GRID2: variants seen among roughly 807,000 people sequenced by gnomAD.
The protein encoded by GRID2 is glutamate receptor ionotropic, delta-2.
Under a neutral mutation model 114.8 loss-of-function variants are expected in GRID2, and 33 were observed. The observed-to-expected ratio is 0.29, with a 90% confidence interval of 0.22 to 0.38. The LOEUF (loss-of-function observed/expected upper bound fraction) is 0.38, where lower values mean the gene tolerates loss of function less well. GRID2 is among the 10% of genes least tolerant of loss of function. GRID2 has a pLI of 1.00. For synonymous variants in GRID2, 505 were observed against 449.9 expected (o/e 1.12, Z -1.55); for missense variants, 1,184 against 1,257.7 (o/e 0.94, Z 0.89).
At chr4:93,790,057 C>CA in intron 1 of GRID2, among the ~76,000 whole-genome samples, 1 of 151,854 alleles carries the variant, frequency 6.6e-6, no homozygotes. Context: ...AGTTTCATCC[C>CA]AAAACCATCC....
At chr4:92,606,740 T>A (rs1269310037) in intron 2 of GRID2, among the ~76,000 whole-genome samples, 3 of 151,976 alleles carry the variant, frequency 2.0e-5, no homozygotes, top group African/African-American at 7.2e-5. Context: ...CCTACCTAAA[T>A]TATCCTATTT....
intron 4 of GRID2, among the ~76,000 whole-genome samples, chr4:93,162,134 C>G (rs1045134651): frequency 4.0e-5 from 6 of 151,592 alleles, no homozygotes; most frequent in African/African-American, 1.5e-4. Flanking sequence ...TGAGGAAAGC[C>G]CTCCTTATTC....
At chr4:92,914,655 G>A (rs1205271727) in intron 2 of GRID2, among the ~76,000 whole-genome samples, 2 of 152,064 alleles carry the variant, frequency 1.3e-5, no homozygotes, top group Non-Finnish European at 2.9e-5. Flanking sequence ...CCACTTGTAA[G>A]TGTGAACATG....
intron 2 of GRID2, among the ~76,000 whole-genome samples, chr4:93,053,198 T>C (rs998151731): frequency 4.0e-5 from 6 of 151,880 alleles, no homozygotes; most frequent in Non-Finnish European, 8.8e-5. Context: ...ACCTGGAGAT[T>C]TGTCGAAACT....
rs116602842 is a variant in GRID2 at position 93,343,989 on chromosome 4, T to C, written c.1246-51618T>C. 5.3e-3 allele frequency among the ~76,000 whole-genome samples: 808 copies of C among 152,212 alleles called. 4 individuals are homozygous for C. The highest frequency in any genetic ancestry group is 0.018 in the African/African-American group (757 of 41,572). On this transcript the variant is annotated intron_variant, in intron 8 of 15. Transcript: ENST00000282020. ...CTTCATTATCTTTCTTTTTGAAATGTTTAGACCACATTTTTCTTTCAGAGC... is the reference window on the plus strand; with the variant it reads ...CTTCATTATCTTTCTTTTTGAAATGCTTAGACCACATTTTTCTTTCAGAGC...
chr4:92,412,341 C>A (rs775479544), intron 1 of GRID2, among the ~76,000 whole-genome samples: 2 of 151,870 alleles, frequency 1.3e-5, no homozygotes, highest in Non-Finnish European at 2.9e-5. Context: ...TAGTAAGTCA[C>A]TTTACTTCTT....
chr4:92,403,221 A>G (rs987227466), intron 1 of GRID2, among the ~76,000 whole-genome samples: 1 of 152,200 alleles, frequency 6.6e-6, no homozygotes, highest in African/African-American at 2.4e-5. Context: ...TCTTCATATC[A>G]GGAAGAAGCT....
At chr4:93,459,337 T>G (rs1182945592) in intron 11 of GRID2, among the ~76,000 whole-genome samples, 2 of 152,010 alleles carry the variant, frequency 1.3e-5, no homozygotes, top group Non-Finnish European at 2.9e-5. Flanking sequence ...TTTTTTGAAA[T>G]GTAATAGAGG....
chr4:92,391,302 C>T (rs1346843393), intron 1 of GRID2, among the ~76,000 whole-genome samples: 1 of 152,100 alleles, frequency 6.6e-6, no homozygotes, highest in Non-Finnish European at 1.5e-5. Flanking sequence ...GCTGTCTGAT[C>T]TTGAACAATT....
At chr4:92,800,763 C>G (rs1393575956) in intron 2 of GRID2, among the ~76,000 whole-genome samples, 2 of 151,938 alleles carry the variant, frequency 1.3e-5, no homozygotes, top group Non-Finnish European at 2.9e-5. Flanking sequence ...GCTGTCAGGA[C>G]TCAAGACATT....
intron 2 of GRID2, among the ~76,000 whole-genome samples, chr4:92,649,420 C>CT (rs942617703): frequency 1.2e-3 from 181 of 146,896 alleles, no homozygotes; most frequent in East Asian, 5.8e-3. Flanking sequence ...CTTCTTCTGC[C>CT]TTTTTTTTTT....
chr4:92,733,687 C>A (rs28482291), intron 2 of GRID2, among the ~76,000 whole-genome samples: 2,976 of 152,124 alleles, frequency 0.02, 93 homozygotes, highest in African/African-American at 0.067. Flanking sequence ...AGAACAATTC[C>A]ATAGCACTTA....
At chr4:92,487,555 C>T (rs749940482) in intron 1 of GRID2, among the ~76,000 whole-genome samples, 18 of 152,006 alleles carry the variant, frequency 1.2e-4, no homozygotes, top group Non-Finnish European at 2.4e-4. Context: ...GTATTTTCAA[C>T]ATATCCAATA....
Position 93,516,220 on chromosome 4 carries a change from A to C in GRID2, c.2193+809A>C, listed in dbSNP as rs557754577. Among the ~76,000 whole-genome samples, 18 of 152,272 alleles carry C rather than the reference A, an allele frequency of 1.2e-4. 1 individual carries two copies. The East Asian group carries it at 2.1e-3, about 18-fold the overall frequency. ...TTTCTCTCTGACCTTCCACTGCAGA[A>C]TAATTTGGACTCCAAGTCTGTGTTT... On this transcript the variant is annotated intron_variant, in intron 13 of 15. Transcript: ENST00000282020.
At chr4:93,517,966 TAC>T (rs1389266381) in intron 13 of GRID2, among the ~76,000 whole-genome samples, 24 of 35,510 alleles carry the variant, frequency 6.8e-4, no homozygotes, top group African/African-American at 2.5e-3. Flanking sequence ...TGTATGTATA[TAC>T]ATACATGTAC....
intron 2 of GRID2, among the ~76,000 whole-genome samples, chr4:92,647,887 C>G (rs1731727673): frequency 6.7e-6 from 1 of 149,652 alleles, no homozygotes; most frequent in African/African-American, 2.5e-5. Flanking sequence ...TTGAATTAGA[C>G]AGAATGGCCT....
intron 1 of GRID2, among the ~76,000 whole-genome samples, chr4:93,797,759 T>C (rs1203813092): frequency 3.4e-5 from 5 of 149,122 alleles, no homozygotes; most frequent in Admixed American, 2.0e-4. Context: ...AGAGAGAGAA[T>C]GTTAGCTCTG....
At chr4:93,480,638 C>T (rs1354153414) in intron 11 of GRID2, among the ~76,000 whole-genome samples, 4 of 151,944 alleles carry the variant, frequency 2.6e-5, no homozygotes, top group African/African-American at 7.2e-5. Context: ...GTAATTTTAC[C>T]TCATCTCTTA....
intron 10 of GRID2, among the ~76,000 whole-genome samples, chr4:93,454,440 C>T (rs1031640699): frequency 3.9e-5 from 6 of 152,022 alleles, no homozygotes; most frequent in Admixed American, 6.6e-5. Context: ...GGTTTAGTTT[C>T]TCCACTTACG....
Sources: gnomAD v4.1 joint callset for allele counts (sites outside exome capture counted in the v4.1 genomes callset) on GRCh38, gnomAD v4.1.1 for gene constraint, MANE v1.5 for transcripts, NCBI Gene and HGNC (gene_info 2026-07-23, HGNC 2026-07-21) for gene names.